The following MTG1 variants were observed in gnomAD, a reference collection of about 807,000 sequenced individuals.
MTG1 encodes the protein mitochondrial ribosome associated GTPase 1.
MTG1 carries 30 observed loss-of-function variants against 39.5 expected under a neutral mutation model. The ratio of observed to expected loss-of-function variants is 0.76; its 90% CI spans 0.57 to 1.03. The LOEUF is 1.03. MTG1 is among the 50% of genes least tolerant of loss of function. The pLI is 0.00. For synonymous variants in MTG1, 217 were observed against 179.0 expected, an observed-to-expected ratio of 1.21 and a Z score of -1.69; for missense variants, 513 against 447.4, an observed-to-expected ratio of 1.15 and a Z score of -1.32.
At chr10:133,411,464 G>A (rs1850045514) in intron 9 of MTG1, among the ~76,000 whole-genome samples, 1 of 152,136 alleles carries the variant, frequency 6.6e-6, no homozygotes, top group African/African-American at 2.4e-5. Flanking sequence ...TGACCTCCCT[G>A]TACCTGGACA....
At chr10:133,412,475 T>C (rs1365591109) in intron 9 of MTG1, among the ~76,000 whole-genome samples, 2 of 152,242 alleles carry the variant, frequency 1.3e-5, no homozygotes, top group African/African-American at 4.8e-5. Context: ...AATTATGTCA[T>C]TTGCAAATAA....
intron 9 of MTG1, among the ~76,000 whole-genome samples, chr10:133,415,860 T>G (rs1850116582): frequency 6.7e-6 from 1 of 150,242 alleles, no homozygotes; most frequent in South Asian, 2.1e-4. Flanking sequence ...ATCAGGCAGG[T>G]GGGTATCAGG....
intron 9 of MTG1, among the ~76,000 whole-genome samples, chr10:133,418,412 C>T (rs891007447): frequency 2.6e-5 from 4 of 151,152 alleles, no homozygotes; most frequent in African/African-American, 7.3e-5. Flanking sequence ...GGAAACAGTC[C>T]GGTCCTTTCA....
At chr10:133,397,019 C>A (rs1187722676) in intron 3 of MTG1, among the ~76,000 whole-genome samples, 1 of 152,182 alleles carries the variant, frequency 6.6e-6, no homozygotes, top group African/African-American at 2.4e-5. Flanking sequence ...ACTCCTCCAC[C>A]TCTTGTGGAG....
chr10:133,416,383 TATA>T (rs1850132310), intron 9 of MTG1, among the ~76,000 whole-genome samples: 1 of 137,338 alleles, frequency 7.3e-6, no homozygotes, highest in African/African-American at 2.6e-5. Context: ...TATATATATA[TATA>T]TATTTTTCTT....
At chr10:133,394,794 T>C (rs1308618375) in intron 1 of MTG1, 4 of 953,868 alleles carry the variant, frequency 4.2e-6, no homozygotes, top group Non-Finnish European at 5.0e-6. Flanking sequence ...ACGTCTTTGG[T>C]AATTCTTACT....
At chr10:133,399,724 C>A in intron 6 of MTG1, 105 bp downstream of exon 6, 1 of 1,189,718 alleles carries the variant, frequency 8.4e-7, no homozygotes. Context: ...AGGAGCACTG[C>A]CAGTCTTCTG....
chr10:133,413,632 T>C (rs1159550851), intron 9 of MTG1, among the ~76,000 whole-genome samples: 1 of 152,238 alleles, frequency 6.6e-6, no homozygotes, highest in African/African-American at 2.4e-5. Context: ...CTGTATCTTC[T>C]TTGTTAGCTT....
At chr10:133,413,596 G>T (rs1196805290) in intron 9 of MTG1, among the ~76,000 whole-genome samples, 3 of 152,060 alleles carry the variant, frequency 2.0e-5, no homozygotes, top group Non-Finnish European at 4.4e-5. Flanking sequence ...TGCCTCTTTA[G>T]GATTGAATAT....
intron 9 of MTG1, among the ~76,000 whole-genome samples, chr10:133,417,209 C>G (rs1166788295): frequency 3.3e-5 from 5 of 151,898 alleles, no homozygotes; most frequent in Non-Finnish European, 7.4e-5. Flanking sequence ...CCCTGGGATG[C>G]AAGGCTGGTT....
rs554924986 is a variant in MTG1, at chr10:133,395,799, G to A, written c.177+22G>A. 6 of 1,612,490 alleles carry A rather than the reference G, an allele frequency of 3.7e-6. No individual in the cohort carries two copies. The South Asian group carries it at 6.6e-5, about 18-fold the overall frequency. On this transcript the variant is annotated intron_variant, in intron 2 of 10. Transcript: ENST00000317502. ...CCGGATATCCTTTCACAGAGCAGGG[G>A]AGGCCCCTCTGCCTGAAGTCATATT...
rs780657628 is a variant in MTG1 at position 133,398,485 on chromosome 10, C to T, written c.333C>T (p.Thr111=). 9 of 1,613,706 alleles carry T rather than the reference C, an allele frequency of 5.6e-6. No homozygotes were observed. In the Admixed American group the frequency reaches 1.3e-4, roughly 24 times the overall value. ...AAGGCCTAAAAAATGTCATTTTTAC[C>T]AACTGTGTAAAGGATGAAAATGTCA... ...EGEGLKNVIF[T]NCVKDENVKQ... is the part of the protein sequence containing the mutation. Residue 111 remains threonine, a synonymous_variant, in exon 4 of 11, where the codon ACC becomes ACT. Coordinates refer to ENST00000317502, the MANE Select transcript of MTG1 (RefSeq NM_138384.4).
chr10:133,400,063 G>A (rs7075731), intron 6 of MTG1, among the ~76,000 whole-genome samples: 1,538 of 152,210 alleles, frequency 0.01, 24 homozygotes, highest in African/African-American at 0.033. Flanking sequence ...GTGGTGGCGG[G>A]CACCTGTAGT....
chr10:133,412,296 A>G (rs1850058517), intron 9 of MTG1, among the ~76,000 whole-genome samples: 1 of 151,970 alleles, frequency 6.6e-6, no homozygotes, highest in South Asian at 2.1e-4. Context: ...GCTATTTTTG[A>G]TACTATTGTA....
intron 7 of MTG1, chr10:133,401,925 G>A (rs1424379801): frequency 1.8e-5 from 11 of 603,154 alleles, no homozygotes; most frequent in Non-Finnish European, 2.9e-5. Flanking sequence ...GGGAGCAGAA[G>A]ACAAGCTGTT....
Position 133,399,169 on chromosome 10 carries a change from G to C in MTG1, c.364-1G>C. ...GCTCCATGAGTGGGTGTTTGTTGCA[G>C]ATCATCCCGATGGTCACTGAACTGA... On this transcript the variant is annotated splice_acceptor_variant, in intron 4 of 10. Coordinates refer to ENST00000317502, the MANE Select transcript of MTG1 (RefSeq NM_138384.4). LOFTEE classifies it high-confidence loss of function. 1 of 1,614,190 alleles carries C rather than the reference G, an allele frequency of 6.2e-7. No homozygotes were observed. The highest frequency in any genetic ancestry group is 8.5e-7 in the Non-Finnish European group (1 of 1,180,030).
At position 133,394,350 on chromosome 10, in the gene MTG1, G is replaced by A; in HGVS notation, c.112+18G>A. On this transcript the variant is annotated intron_variant, in intron 1 of 10. Coordinates refer to ENST00000317502, the MANE Select transcript of MTG1 (RefSeq NM_138384.4). ...GGCCAAGGGTGAGGCACGGCGGGGA[G>A]GGGCAAGGTCATGCCTACGGCCGCG... 2 of 1,480,062 alleles carry A rather than the reference G, an allele frequency of 1.4e-6. No individual in the cohort carries two copies. The highest frequency in any genetic ancestry group is 1.3e-5 in the South Asian group (1 of 78,002). 91.7% of individuals were successfully genotyped at this position (1,480,062 alleles called of 1,614,324 possible).
chr10:133,418,059 A>G (rs944411400), intron 9 of MTG1, among the ~76,000 whole-genome samples: 7 of 152,170 alleles, frequency 4.6e-5, no homozygotes, highest in African/African-American at 9.7e-5. Context: ...GCTACAGTGC[A>G]GTGGCACAAT....
rs375185508 is a variant in MTG1, at chr10:133,399,518, T to G, written c.421-11T>G. On this transcript the variant is annotated splice_polypyrimidine_tract_variant and intron_variant, in intron 5 of 10. Coordinates refer to ENST00000317502, the MANE Select transcript of MTG1 (RefSeq NM_138384.4). ...CGGTGGGCCCTGTGACCCCTCTCTC[T>G]GCCTGCGCAGAACCTGGAGTACTGT... The G allele has an allele frequency of 4.5e-5, 73 of 1,613,836 alleles. No homozygotes were observed. Among genetic ancestry groups the G allele is most frequent in the Non-Finnish European group, 6.0e-5 (71 of 1,179,826 alleles).
Sources: gnomAD v4.1 joint callset for allele counts (sites outside exome capture counted in the v4.1 genomes callset) on GRCh38, gnomAD v4.1.1 for gene constraint, MANE v1.5 for transcripts, NCBI Gene and HGNC (gene_info 2026-07-23, HGNC 2026-07-21) for gene names.